SGPP2: variants seen among roughly 807,000 people sequenced by gnomAD.
SGPP2 encodes the protein sphingosine-1-phosphate phosphatase 2.
In SGPP2, 30 loss-of-function variants were observed where a neutral mutation model predicts 33.9. That is an observed-to-expected ratio of 0.89 (90% CI 0.66 to 1.20). SGPP2 has a LOEUF of 1.20. Among genes scored for constraint, SGPP2 ranks in the 50% most tolerant of loss-of-function variants. SGPP2 has a pLI of 0.00. For missense variants in SGPP2, 458 were observed against 532.1 expected (o/e 0.86, Z 1.37); for synonymous variants, 233 against 225.0 (o/e 1.04, Z -0.32).
In SGPP2 at chr2:222,558,466, G is replaced by A. The variant is rs200717778; in HGVS notation, c.768G>A (p.Val256=). 3 of 1,614,128 alleles carry A rather than the reference G, an allele frequency of 1.9e-6. No homozygotes were observed. The highest frequency in any genetic ancestry group is 4.5e-5 in the East Asian group (2 of 44,880). The change falls in exon 5 of 5, where the codon GTG becomes GTA. Residue 256 remains valine (V), a synonymous_variant. Transcript: ENST00000321276. ...SPLFPVCVIV[V]PFFLCYNYPV... is the part of the protein sequence containing the mutation. ...TCTTCCCCGTGTGTGTCATAGTTGT[G>A]CCATTCTTCCTGTGTTACAATTACC...
chr2:222,501,731 C>G (rs1302952222), intron 2 of SGPP2, among the ~76,000 whole-genome samples: 1 of 152,206 alleles, frequency 6.6e-6, no homozygotes, highest in Non-Finnish European at 1.5e-5. Context: ...GGCTAGATCT[C>G]TACCCCAAGA....
intron 4 of SGPP2, among the ~76,000 whole-genome samples, chr2:222,532,247 C>T (rs1377651956): frequency 6.6e-6 from 1 of 151,068 alleles, no homozygotes; most frequent in Admixed American, 6.6e-5. Flanking sequence ...GCACTTGAGC[C>T]TGGGCAACAA....
At chr2:222,482,368 G>T (rs1363700783) in intron 2 of SGPP2, among the ~76,000 whole-genome samples, 1 of 152,122 alleles carries the variant, frequency 6.6e-6, no homozygotes, top group African/African-American at 2.4e-5. Context: ...CTGTTGGCTG[G>T]TTACTTTCTC....
intron 1 of SGPP2, among the ~76,000 whole-genome samples, chr2:222,468,469 G>C (rs923070153): frequency 6.6e-6 from 1 of 151,974 alleles, no homozygotes; most frequent in Non-Finnish European, 1.5e-5. Flanking sequence ...AGGCTGTTGA[G>C]GCTCAGAAAG....
intron 2 of SGPP2, among the ~76,000 whole-genome samples, chr2:222,489,414 G>GAA (rs756276728): frequency 5.2e-5 from 7 of 134,504 alleles, no homozygotes; most frequent in African/African-American, 1.1e-4. Flanking sequence ...AATGTATTAA[G>GAA]AAAAAAAAAA....
chr2:222,551,581 C>T (rs16863867), intron 4 of SGPP2, among the ~76,000 whole-genome samples: 6,008 of 152,056 alleles, frequency 0.04, 192 homozygotes, highest in African/African-American at 0.084. Flanking sequence ...AGCTAGAGTC[C>T]AAGTATTTTC....
chr2:222,537,099 G>A (rs537443179), intron 4 of SGPP2, among the ~76,000 whole-genome samples: 1 of 152,188 alleles, frequency 6.6e-6, no homozygotes, highest in South Asian at 2.1e-4. Context: ...AATGTGTCAG[G>A]GGCAAACTGT....
At chr2:222,517,525 T>C (rs1318411978) in intron 2 of SGPP2, among the ~76,000 whole-genome samples, 2 of 152,142 alleles carry the variant, frequency 1.3e-5, no homozygotes, top group Non-Finnish European at 2.9e-5. Flanking sequence ...AAAACCCCTG[T>C]ATTCACCATC....
intron 3 of SGPP2, among the ~76,000 whole-genome samples, chr2:222,523,157 C>T (rs915770390): frequency 6.6e-6 from 1 of 152,364 alleles, no homozygotes; most frequent in Admixed American, 6.5e-5. Flanking sequence ...TGGGGTCCCA[C>T]CTCTACCACT....
intron 1 of SGPP2, among the ~76,000 whole-genome samples, chr2:222,449,592 C>T (rs1697452786): frequency 6.6e-6 from 1 of 151,950 alleles, no homozygotes; most frequent in Non-Finnish European, 1.5e-5. Flanking sequence ...GCCTCAGCCT[C>T]CCAAGTAGCT....
chr2:222,559,172 C>CAG lies in SGPP2; in HGVS notation c.*274_*275insAG. On this transcript the variant is annotated 3_prime_UTR_variant, in exon 5 of 5. Transcript: ENST00000321276. The stretch of plus-strand genomic sequence containing the variant: ...AAGGCACACACCGCGCCCCCCCCCC[C>CAG]CCCGCCCGGCCCCTGCTCCTCTCGC... 1.0e-5 allele frequency: 1 copy of CAG among 99,284 alleles called. No individual in the cohort carries two copies. Among genetic ancestry groups the CAG allele is most frequent in the East Asian group, 1.7e-4 (1 of 5,844 alleles). 6.2% of individuals were successfully genotyped at this position (99,284 alleles called of 1,614,324 possible).
intron 1 of SGPP2, among the ~76,000 whole-genome samples, chr2:222,448,935 C>T (rs886505157): frequency 2.6e-5 from 4 of 152,132 alleles, no homozygotes; most frequent in Non-Finnish European, 5.9e-5. Context: ...ACCAGCTGTT[C>T]CCCATCTCCA....
chr2:222,491,045 AAT>A (rs1698189335), intron 2 of SGPP2, among the ~76,000 whole-genome samples: 1 of 152,188 alleles, frequency 6.6e-6, no homozygotes, highest in Non-Finnish European at 1.5e-5. Flanking sequence ...GTACTCCAGT[AAT>A]AATTGTCTCA....
At chr2:222,496,916 T>A (rs557309628) in intron 2 of SGPP2, among the ~76,000 whole-genome samples, 2 of 152,332 alleles carry the variant, frequency 1.3e-5, no homozygotes, top group Admixed American at 1.3e-4. Flanking sequence ...AAATAAAGGC[T>A]ATTTCTACAA....
chr2:222,479,435 C>T (rs1350914401), intron 2 of SGPP2, among the ~76,000 whole-genome samples: 8 of 136,692 alleles, frequency 5.9e-5, no homozygotes, highest in Non-Finnish European at 1.2e-4. Flanking sequence ...CAGAGTATCG[C>T]TCTGTCACCC....
intron 2 of SGPP2, among the ~76,000 whole-genome samples, chr2:222,502,605 C>T (rs1001096776): frequency 6.6e-6 from 1 of 152,224 alleles, no homozygotes; most frequent in Non-Finnish European, 1.5e-5. Flanking sequence ...GATGCTCAAC[C>T]TATATTTCTT....
chr2:222,540,984 A>AT (rs1253050923), intron 4 of SGPP2, among the ~76,000 whole-genome samples: 3 of 151,574 alleles, frequency 2.0e-5, no homozygotes, highest in Non-Finnish European at 4.4e-5. Flanking sequence ...TGCCCGGCTA[A>AT]TTTTTTGTAT....
intron 3 of SGPP2, among the ~76,000 whole-genome samples, chr2:222,524,388 T>C (rs1698727069): frequency 6.6e-6 from 1 of 152,196 alleles, no homozygotes; most frequent in South Asian, 2.1e-4. Flanking sequence ...CAGATTCCTC[T>C]AGCCACTAGT....
intron 2 of SGPP2, among the ~76,000 whole-genome samples, chr2:222,500,982 A>C (rs2106117892): frequency 6.6e-6 from 1 of 152,324 alleles, no homozygotes; most frequent in South Asian, 2.1e-4. Flanking sequence ...GGAGACAATC[A>C]TCTGCTGTTC....
Sources: gnomAD v4.1 joint callset for allele counts (sites outside exome capture counted in the v4.1 genomes callset) on GRCh38, gnomAD v4.1.1 for gene constraint, MANE v1.5 for transcripts, NCBI Gene and HGNC (gene_info 2026-07-23, HGNC 2026-07-21) for gene names.